The following SERINC5 variants were observed in gnomAD, a reference collection of about 807,000 sequenced individuals.
SERINC5 encodes serine incorporator 5, also known as chromosome 5 open reading frame 12.
A neutral mutation model predicts 63.1 loss-of-function variants in SERINC5; 41 were observed. The ratio of observed to expected loss-of-function variants is 0.65; its 90% CI spans 0.51 to 0.84. SERINC5 has a LOEUF of 0.84. Ranked by LOEUF, SERINC5 falls within the 40% of genes least tolerant of loss-of-function variation. SERINC5 has a pLI of 0.00. For missense variants in SERINC5, 523 were observed against 573.0 expected (o/e 0.91, Z 0.89); for synonymous variants, 222 against 215.2 (o/e 1.03, Z -0.28).
At chr5:80,247,721 G>A (rs1187388975) in intron 1 of SERINC5, among the ~76,000 whole-genome samples, 2 of 152,162 alleles carry the variant, frequency 1.3e-5, no homozygotes, top group African/African-American at 4.8e-5. Flanking sequence ...GCTCACCAGT[G>A]AGCTATACAG....
At chr5:80,249,046 G>A (rs1387383580) in intron 1 of SERINC5, among the ~76,000 whole-genome samples, 1 of 152,184 alleles carries the variant, frequency 6.6e-6, no homozygotes, top group Non-Finnish European at 1.5e-5. Context: ...CGGGTACGGT[G>A]GCTCACGCCT....
intron 2 of SERINC5, among the ~76,000 whole-genome samples, chr5:80,192,057 T>G (rs1020468652): frequency 6.6e-6 from 1 of 152,222 alleles, no homozygotes; most frequent in Non-Finnish European, 1.5e-5. Flanking sequence ...GGCCATGCCA[T>G]TGGCTGGCAT....
intron 11 of SERINC5, among the ~76,000 whole-genome samples, chr5:80,130,602 C>T (rs748949211): frequency 1.3e-5 from 2 of 152,170 alleles, no homozygotes; most frequent in Non-Finnish European, 2.9e-5. Flanking sequence ...TTTATCTTTC[C>T]ATATGCCTAG....
chr5:80,143,025 C>A lies in SERINC5; in HGVS notation c.*638G>T. On this transcript the variant is annotated 3_prime_UTR_variant, in exon 12 of 12. Transcript: ENST00000507668. ...GATGTGGGACCCAGAAAAGATGAGACCTCGGGGAAGGGTGCAGGCAGAGAG... is the reference window on the plus strand; with the variant it reads ...GATGTGGGACCCAGAAAAGATGAGAACTCGGGGAAGGGTGCAGGCAGAGAG... 1.0e-6 allele frequency: 1 copy of A among 985,428 alleles called. No individual in the cohort carries two copies. Among genetic ancestry groups the A allele is most frequent in the Non-Finnish European group, 1.2e-6 (1 of 829,970 alleles). The allele number at this position is 985,428 out of a possible 1,614,324, so 61.0% of individuals were successfully genotyped here.
At chr5:80,222,481 C>T (rs188538690) in intron 1 of SERINC5, among the ~76,000 whole-genome samples, 6 of 151,070 alleles carry the variant, frequency 4.0e-5, no homozygotes, top group East Asian at 1.9e-4. Flanking sequence ...AACTGGACCA[C>T]GTGGGAACCA....
chr5:80,239,264 TTCTC>T (rs1433979252), intron 1 of SERINC5, among the ~76,000 whole-genome samples: 1 of 152,158 alleles, frequency 6.6e-6, no homozygotes, highest in East Asian at 1.9e-4. Context: ...CTGTGAGACT[TTCTC>T]TGGCTGGCTG....
At chr5:80,251,357 T>C (rs1477845620) in intron 1 of SERINC5, among the ~76,000 whole-genome samples, 1 of 151,654 alleles carries the variant, frequency 6.6e-6, no homozygotes, top group Non-Finnish European at 1.5e-5. Context: ...TTGAGGAAAA[T>C]CTTGGTGATC....
intron 2 of SERINC5, among the ~76,000 whole-genome samples, chr5:80,201,253 A>G (rs1749819803): frequency 6.6e-6 from 1 of 152,060 alleles, no homozygotes; most frequent in Non-Finnish European, 1.5e-5. Context: ...ACTTCCCTCC[A>G]CCTCCTCACT....
chr5:80,216,264 C>T (rs2112526972), intron 1 of SERINC5, among the ~76,000 whole-genome samples: 1 of 152,298 alleles, frequency 6.6e-6, no homozygotes, highest in Admixed American at 6.5e-5. Context: ...CCCTCCCTGC[C>T]TCTACCCGCT....
chr5:80,207,968 C>G (rs1750252115), intron 1 of SERINC5, among the ~76,000 whole-genome samples: 1 of 152,114 alleles, frequency 6.6e-6, no homozygotes, highest in Admixed American at 6.6e-5. Flanking sequence ...GGGTTCACAT[C>G]CAGCCCCTGC....
At chr5:80,117,871 C>T (rs965159113) in intron 11 of SERINC5, among the ~76,000 whole-genome samples, 8 of 151,930 alleles carry the variant, frequency 5.3e-5, no homozygotes, top group African/African-American at 1.9e-4. Context: ...CTTATCATCT[C>T]ATCTGTGTCT....
At chr5:80,229,489 T>G (rs1358142741) in intron 1 of SERINC5, among the ~76,000 whole-genome samples, 1 of 152,190 alleles carries the variant, frequency 6.6e-6, no homozygotes, top group Non-Finnish European at 1.5e-5. Flanking sequence ...TGAACTCACC[T>G]ACATTGAACA....
intron 2 of SERINC5, among the ~76,000 whole-genome samples, chr5:80,180,315 T>C (rs145413660): frequency 5.1e-4 from 78 of 152,260 alleles, no homozygotes; most frequent in African/African-American, 1.8e-3. Context: ...TAAATCACAT[T>C]ATAACTATTA....
At chr5:80,196,538 A>T (rs1749509234) in intron 2 of SERINC5, among the ~76,000 whole-genome samples, 1 of 152,186 alleles carries the variant, frequency 6.6e-6, no homozygotes, top group African/African-American at 2.4e-5. Context: ...ATATAAACCC[A>T]AGAGAAATGA....
At chr5:80,239,986 G>C (rs1049199827) in intron 1 of SERINC5, among the ~76,000 whole-genome samples, 1 of 152,148 alleles carries the variant, frequency 6.6e-6, no homozygotes, top group Non-Finnish European at 1.5e-5. Flanking sequence ...AGCAAGGCTT[G>C]GTCAGCCTTC....
intron 7 of SERINC5, among the ~76,000 whole-genome samples, chr5:80,165,127 C>T (rs536255826): frequency 8.4e-4 from 127 of 151,494 alleles, no homozygotes; most frequent in Middle Eastern, 6.8e-3. Flanking sequence ...GAAATTAATA[C>T]ATAAACAGTC....
intron 1 of SERINC5, among the ~76,000 whole-genome samples, chr5:80,232,407 G>GA (rs70982043): frequency 0.029 from 3,189 of 110,248 alleles, 97 homozygotes; most frequent in African/African-American, 0.09. Flanking sequence ...CTGTCTCAAA[G>GA]AAAAAAAAAA....
At chr5:80,189,677 G>A (rs1489561980) in intron 2 of SERINC5, among the ~76,000 whole-genome samples, 1 of 152,102 alleles carries the variant, frequency 6.6e-6, no homozygotes, top group Non-Finnish European at 1.5e-5. Context: ...CATGCTTATA[G>A]TCTAAGTGAG....
chr5:80,143,525 A>C lies in SERINC5; in HGVS notation c.*138T>G. ...TTTCAAAAGTAAAAAGCTAATCAGG[A>C]GATTTTTTTTTTTCTCTCTCAAAGC... On this transcript the variant is annotated 3_prime_UTR_variant, in exon 12 of 12. Transcript: ENST00000507668. The C allele has an allele frequency of 7.3e-7, 1 of 1,371,728 alleles. No individual in the cohort carries two copies. Among genetic ancestry groups the C allele is most frequent in the Non-Finnish European group, 9.4e-7 (1 of 1,065,386 alleles). 85.0% of individuals were successfully genotyped at this position (1,371,728 alleles called of 1,614,324 possible). A position where few individuals can be genotyped will look rare whatever the true frequency, so the allele number is the denominator to read the frequency against.
Sources: allele counts gnomAD v4.1 joint callset (sites outside exome capture counted in the v4.1 genomes callset), GRCh38; gene constraint gnomAD v4.1.1; transcripts MANE v1.5; gene names NCBI Gene and HGNC (gene_info 2026-07-23, HGNC 2026-07-21).